The following MAD1L1 variants were observed in gnomAD, a reference collection of about 807,000 sequenced individuals.
MAD1L1 encodes the protein mitotic arrest deficient 1 like 1.
In MAD1L1, 95 loss-of-function variants were observed where a neutral mutation model predicts 96.9. The observed-to-expected ratio is 0.98, with a 90% confidence interval of 0.83 to 1.16. MAD1L1 has a LOEUF of 1.16. Ranked by LOEUF, MAD1L1 falls within the 50% of genes most tolerant of loss-of-function variation. MAD1L1 has a pLI of 0.00. For synonymous variants in MAD1L1, 473 were observed against 396.6 expected, an observed-to-expected ratio of 1.19 and a Z score of -2.29; for missense variants, 1,007 against 954.4, an observed-to-expected ratio of 1.06 and a Z score of -0.73.
chr7:1,986,550 A>T (rs1781158016), intron 14 of MAD1L1, among the ~76,000 whole-genome samples: 1 of 149,602 alleles, frequency 6.7e-6, no homozygotes, highest in Admixed American at 6.6e-5. Flanking sequence ...AGGGGGTTCT[A>T]CTCCGCGGCT....
At chr7:2,225,697 A>T in intron 3 of MAD1L1, 147 bp from the exon 4 acceptor site, 1 of 836,632 alleles carries the variant, frequency 1.2e-6, no homozygotes, top group East Asian at 2.7e-5. Context: ...ACTGGGCTCC[A>T]GGCTGGGGAA....
intron 18 of MAD1L1, among the ~76,000 whole-genome samples, chr7:1,840,643 C>T (rs548230063): frequency 1.1e-4 from 16 of 152,324 alleles, no homozygotes; most frequent in African/African-American, 3.6e-4. Flanking sequence ...GCAGGAGAAT[C>T]GCTTGAGCCC....
chr7:2,170,898 A>G (rs1790675645), intron 10 of MAD1L1, among the ~76,000 whole-genome samples: 1 of 152,180 alleles, frequency 6.6e-6, no homozygotes, highest in South Asian at 2.1e-4. Flanking sequence ...TGGGAACCGG[A>G]GGAGCCCCAA....
At chr7:1,830,744 C>G (rs1422839308) in intron 18 of MAD1L1, among the ~76,000 whole-genome samples, 1 of 151,994 alleles carries the variant, frequency 6.6e-6, no homozygotes, top group Non-Finnish European at 1.5e-5. Flanking sequence ...CCTAACACAA[C>G]CTGTAAAAAA....
At chr7:2,131,782 A>T (rs972582226) in intron 11 of MAD1L1, among the ~76,000 whole-genome samples, 66 of 152,306 alleles carry the variant, frequency 4.3e-4, no homozygotes, top group Middle Eastern at 3.4e-3. Context: ...GAGCTGGCTC[A>T]GGCTGGGAAG....
chr7:2,225,627 A>T lies in MAD1L1; in HGVS notation c.151-77T>A, dbSNP rs919336541. On this transcript the variant is annotated intron_variant, in intron 3 of 18. Coordinates refer to ENST00000265854, the MANE Select transcript of MAD1L1 (RefSeq NM_001013836.2). ...CCAGGTGAGTGACTCAGTGCAGCAG[A>T]CACACTCCCTGAGGACCCATTCCCG... The T allele has an allele frequency of 2.7e-6, 4 of 1,496,092 alleles. No individual in the cohort carries two copies. The African/African-American group carries it at 5.5e-5, about 21-fold the overall frequency. The allele number at this position is 1,496,092 out of a possible 1,614,324, so 92.7% of individuals were successfully genotyped here. A position where few individuals can be genotyped will look rare whatever the true frequency, so the allele number is the denominator to read the frequency against.
intron 18 of MAD1L1, among the ~76,000 whole-genome samples, chr7:1,888,421 AGCAT>A (rs986008582): frequency 2.9e-4 from 20 of 69,472 alleles, no homozygotes; most frequent in Admixed American, 1.7e-3. Context: ...TGTGCATGTG[AGCAT>A]GCATGTGGCT....
chr7:2,006,439 C>T (rs1031375399), intron 13 of MAD1L1, among the ~76,000 whole-genome samples: 4 of 152,152 alleles, frequency 2.6e-5, no homozygotes, highest in African/African-American at 7.2e-5. Context: ...AGCAGAGTCC[C>T]AGCACCGAGG....
At chr7:1,855,842 C>T (rs936724957) in intron 18 of MAD1L1, among the ~76,000 whole-genome samples, 1 of 152,174 alleles carries the variant, frequency 6.6e-6, no homozygotes, top group African/African-American at 2.4e-5. Context: ...TACAGCTGCA[C>T]CCCACTCTTG....
chr7:2,192,329 A>G (rs1791767729), intron 10 of MAD1L1, among the ~76,000 whole-genome samples: 1 of 152,020 alleles, frequency 6.6e-6, no homozygotes, highest in South Asian at 2.1e-4. Context: ...ACAGGGTTTC[A>G]CCATGTTTGC....
chr7:2,021,144 G>A (rs187182588), intron 12 of MAD1L1, among the ~76,000 whole-genome samples: 6 of 152,288 alleles, frequency 3.9e-5, no homozygotes, highest in East Asian at 3.9e-4. Context: ...AGGAGGCGAG[G>A]AGCGAACACA....
intron 18 of MAD1L1, among the ~76,000 whole-genome samples, chr7:1,840,857 G>A (rs1419553733): frequency 1.3e-5 from 2 of 152,224 alleles, no homozygotes; most frequent in East Asian, 3.9e-4. Flanking sequence ...CAATGTCACT[G>A]CACACTCCCT....
chr7:2,067,820 C>T (rs2128528183), intron 12 of MAD1L1, among the ~76,000 whole-genome samples: 1 of 152,388 alleles, frequency 6.6e-6, no homozygotes, highest in South Asian at 2.1e-4. Context: ...TGAGAAAAGC[C>T]CTTCTGCGGC....
intron 11 of MAD1L1, among the ~76,000 whole-genome samples, chr7:2,085,833 G>A (rs537193063): frequency 4.4e-4 from 67 of 152,348 alleles, no homozygotes; most frequent in African/African-American, 1.1e-3. Flanking sequence ...TGCGCACTTA[G>A]AAGGGAAGTT....
At chr7:2,159,112 C>A (rs111591013) in intron 10 of MAD1L1, among the ~76,000 whole-genome samples, 1 of 152,204 alleles carries the variant, frequency 6.6e-6, no homozygotes, top group African/African-American at 2.4e-5. Context: ...TGGTTTCAGG[C>A]CTGGCTGCTC....
At position 2,060,218 on chromosome 7, in the gene MAD1L1, CGCCG is replaced by C. The variant is rs1194201265; in HGVS notation, c.1218+8972_1218+8975del. Among the ~76,000 whole-genome samples, 476 of 131,480 alleles carry C rather than the reference CGCCG, an allele frequency of 3.6e-3. 4 individuals carry two copies. Among genetic ancestry groups the C allele is most frequent in the African/African-American group, 0.017 (435 of 26,244 alleles). The allele number at this position is 131,480 out of a possible 152,430, so 86.3% of individuals were successfully genotyped here. ...GCCAAGATACGCAGATGCCAAGTTA[CGCCG>C]ATGCCGAGATACGCCGATGCCGAGA... On this transcript the variant is annotated intron_variant, in intron 12 of 18. Transcript: ENST00000265854.
intron 12 of MAD1L1, among the ~76,000 whole-genome samples, chr7:2,042,074 C>A (rs547464311): frequency 1.5e-4 from 23 of 151,806 alleles, no homozygotes; most frequent in African/African-American, 5.3e-4. Context: ...CACGTACACA[C>A]ATATGTACAC....
intron 17 of MAD1L1, among the ~76,000 whole-genome samples, chr7:1,907,495 CCT>C (rs1015263895): frequency 2.0e-5 from 3 of 152,268 alleles, no homozygotes; most frequent in East Asian, 1.9e-4. Flanking sequence ...CAAGGCAGCC[CCT>C]GAGGCCCAGG....
At chr7:1,838,458 C>T in intron 18 of MAD1L1, 1 of 259,274 alleles carries the variant, frequency 3.9e-6, no homozygotes, top group Non-Finnish European at 7.8e-6. Context: ...AACGGATAAA[C>T]AACCATGGTC....
Sources: allele counts gnomAD v4.1 joint callset (sites outside exome capture counted in the v4.1 genomes callset), GRCh38; gene constraint gnomAD v4.1.1; transcripts MANE v1.5; gene names NCBI Gene and HGNC (gene_info 2026-07-23, HGNC 2026-07-21).